Variants in AHRR observed in about 807,000 individuals in gnomAD.
AHRR encodes ahR repressor.
In AHRR, 28 loss-of-function variants were observed where a neutral mutation model predicts 44.0. The ratio of observed to expected loss-of-function variants is 0.64; its 90% CI spans 0.47 to 0.87. The LOEUF (loss-of-function observed/expected upper bound fraction) is 0.87. Ranked by LOEUF, AHRR falls within the 40% of genes least tolerant of loss-of-function variation. The pLI is 0.00. For synonymous variants in AHRR, 434 were observed against 407.0 expected (o/e 1.07, Z -0.80); for missense variants, 990 against 953.9 (o/e 1.04, Z -0.50).
chr5:324,201 A>G (rs1308137708), intron 1 of AHRR, among the ~76,000 whole-genome samples: 1 of 151,432 alleles, frequency 6.6e-6, no homozygotes, highest in Non-Finnish European at 1.5e-5. Context: ...CTGGGACTAC[A>G]GGTGTGAGCC....
intron 5 of AHRR, among the ~76,000 whole-genome samples, chr5:417,928 A>G (rs1269491958): frequency 6.6e-6 from 1 of 152,232 alleles, no homozygotes; most frequent in South Asian, 2.1e-4. Context: ...GCATGATTTC[A>G]GTGTCTTCAA....
At chr5:349,111 T>C (rs1560886910) in intron 2 of AHRR, among the ~76,000 whole-genome samples, 1 of 152,246 alleles carries the variant, frequency 6.6e-6, no homozygotes, top group Non-Finnish European at 1.5e-5. Context: ...CCATATATCT[T>C]GTCTGGTGGT....
Position 423,974 on chromosome 5 carries a change from C to A in AHRR, c.705C>A (p.Phe235Leu). The A allele has an allele frequency of 1.9e-6, 3 of 1,598,988 alleles. No homozygotes were observed. The highest frequency in any genetic ancestry group is 2.5e-6 in the Non-Finnish European group (3 of 1,179,104). The change falls in exon 7 of 11, where the codon TTC (phenylalanine) becomes TTA (leucine). Residue 235 changes from phenylalanine to leucine, a missense_variant. Transcript: ENST00000684583. The part of the protein sequence containing the change: ...VRCLLDSTSG[F>L]LTMQFQGKLK... ...GCCTGCTGGACAGCACCTCGGGCTT[C>A]CTGGTGAGTGCGTGGGTCCCTGGCA...
chr5:324,836 G>A (rs1183746374), intron 1 of AHRR, among the ~76,000 whole-genome samples: 1 of 152,086 alleles, frequency 6.6e-6, no homozygotes, highest in Non-Finnish European at 1.5e-5. Context: ...GGTTATTCAG[G>A]GGGCACTGGC....
intron 4 of AHRR, among the ~76,000 whole-genome samples, chr5:379,521 AC>A (rs1296533715): frequency 6.6e-6 from 1 of 152,154 alleles, no homozygotes; most frequent in Non-Finnish European, 1.5e-5. Context: ...ACTTGGTATT[AC>A]TTTTTTCAAA....
At chr5:396,892 C>T (rs975867255) in intron 4 of AHRR, among the ~76,000 whole-genome samples, 1 of 152,012 alleles carries the variant, frequency 6.6e-6, no homozygotes, top group African/African-American at 2.4e-5. Flanking sequence ...GCTCCTTGCC[C>T]ACCTCAGAGG....
intron 7 of AHRR, 139 bp downstream of exon 7, chr5:424,116 G>C: frequency 7.7e-7 from 1 of 1,296,468 alleles, no homozygotes; most frequent in Non-Finnish European, 1.0e-6. Flanking sequence ...CCGGTGCTGA[G>C]CTCTGTGTAC....
intron 3 of AHRR, among the ~76,000 whole-genome samples, chr5:362,732 C>G (rs1743223918): frequency 6.6e-6 from 1 of 152,200 alleles, no homozygotes; most frequent in African/African-American, 2.4e-5. Context: ...ATTTTAGGAG[C>G]TGATTTTACT....
At chr5:390,303 G>A (rs981943749) in intron 4 of AHRR, among the ~76,000 whole-genome samples, 7 of 152,080 alleles carry the variant, frequency 4.6e-5, no homozygotes, top group African/African-American at 1.4e-4. Context: ...TCTCAGACAC[G>A]CCATAAATAT....
chr5:420,824 GCCACCCACCCACGCAGCACGCACAGACC>G, intron 5 of AHRR: 1 of 247,170 alleles, frequency 4.0e-6, no homozygotes, highest in East Asian at 1.5e-4. Flanking sequence ...CACCCACGCA[GCCACCCACCCACGCAGCACGCACAGACC>G]CACGCACGCA....
At chr5:329,133 C>T (rs1579583298) in intron 1 of AHRR, among the ~76,000 whole-genome samples, 1 of 152,144 alleles carries the variant, frequency 6.6e-6, no homozygotes, top group Admixed American at 6.6e-5. Context: ...ACACACACAC[C>T]TCTGTCTTTT....
At chr5:414,647 G>A (rs566119362) in intron 5 of AHRR, among the ~76,000 whole-genome samples, 7 of 152,288 alleles carry the variant, frequency 4.6e-5, no homozygotes, top group South Asian at 2.1e-4. Flanking sequence ...GAGCAAAGCC[G>A]TCCAAAGGAA....
In AHRR at chr5:387,020, T is replaced by TG. The variant is rs1185392402; in HGVS notation, c.351+10307dup. On this transcript the variant is annotated intron_variant, in intron 4 of 10. Coordinates refer to ENST00000684583, the MANE Select transcript of AHRR (RefSeq NM_001377236.1). The surrounding 1 kb of genome is among the most constrained non-coding windows in gnomAD (Gnocchi z 5.1). ...TCAGCTCGCAGGTTCTCTCTCCTTC[T>TG]GGGAGCCTTGTTTCCATATCCGTTT... 1.3e-5 allele frequency among the ~76,000 whole-genome samples: 2 copies of TG among 152,248 alleles called. No individual in the cohort carries two copies. The highest frequency in any genetic ancestry group is 4.8e-5 in the African/African-American group (2 of 41,470).
chr5:364,916 G>T (rs1181533869), intron 3 of AHRR, among the ~76,000 whole-genome samples: 1 of 152,024 alleles, frequency 6.6e-6, no homozygotes, highest in Admixed American at 6.6e-5. Context: ...ACTATGTAAT[G>T]ATTAAACAAT....
At chr5:367,916 G>T (rs572571901) in intron 3 of AHRR, 1 of 702,568 alleles carries the variant, frequency 1.4e-6, no homozygotes, top group Non-Finnish European at 2.6e-6. Flanking sequence ...GCCCTGAGAC[G>T]TACTCAGTTC....
intron 3 of AHRR, 58 bp from the exon 4 acceptor site, chr5:376,552 A>ATGAGAGCCGTGGGGTGAACGCGGG: frequency 7.1e-7 from 1 of 1,409,246 alleles, no homozygotes; most frequent in Non-Finnish European, 9.6e-7. Context: ...ATGTGAATGA[A>ATGAGAGCCGTGGGGTGAACGCGGG]GAAGAGTGGC....
chr5:353,146 C>A (rs1742916946), intron 2 of AHRR, among the ~76,000 whole-genome samples: 1 of 152,132 alleles, frequency 6.6e-6, no homozygotes, highest in South Asian at 2.1e-4. Context: ...TTTGTGGGGC[C>A]CCAGAGTGGC....
At chr5:428,214 AC>A (rs1387756983) in intron 8 of AHRR, among the ~76,000 whole-genome samples, 1 of 152,238 alleles carries the variant, frequency 6.6e-6, no homozygotes, top group Non-Finnish European at 1.5e-5. Flanking sequence ...CTGGCACCAA[AC>A]GTTGCCTGTA....
intron 5 of AHRR, among the ~76,000 whole-genome samples, chr5:413,977 C>G (rs1481358806): frequency 6.6e-6 from 1 of 152,178 alleles, no homozygotes; most frequent in African/African-American, 2.4e-5. Context: ...ATAAAAAATC[C>G]CACCCAGCCG....
Sources: allele counts gnomAD v4.1 joint callset (sites outside exome capture counted in the v4.1 genomes callset), GRCh38; gene constraint gnomAD v4.1.1; non-coding constraint Gnocchi (gnomAD v3.1); transcripts MANE v1.5; gene names NCBI Gene and HGNC (gene_info 2026-07-23, HGNC 2026-07-21).